Variants in ZMIZ1 observed in about 807,000 individuals in gnomAD.
ZMIZ1 encodes zinc finger MIZ domain-containing protein 1.
In ZMIZ1, 17 loss-of-function variants were observed where a neutral mutation model predicts 113.9. The ratio of observed to expected loss-of-function variants is 0.15; its 90% confidence interval spans 0.10 to 0.22. ZMIZ1 has a LOEUF of 0.22. Among genes scored for constraint, ZMIZ1 ranks in the 10% least tolerant of loss-of-function variants. The probability of loss-of-function intolerance (pLI) is 1.00; values close to 1 mark genes in which losing one functional copy is unlikely to be tolerated. For missense variants in ZMIZ1, 1,059 were observed against 1,477.8 expected, an observed-to-expected ratio of 0.72 and a Z score of 4.65; for synonymous variants, 607 against 603.1, an observed-to-expected ratio of 1.01 and a Z score of -0.09.
At chr10:79,260,058 C>G (rs1216854847) in intron 7 of ZMIZ1, among the ~76,000 whole-genome samples, 2 of 152,196 alleles carry the variant, frequency 1.3e-5, no homozygotes, top group African/African-American at 2.4e-5. Context: ...GTGCCCCAGA[C>G]TAGGCTGTGT....
At chr10:79,108,025 C>A (rs1338602414) in intron 1 of ZMIZ1, among the ~76,000 whole-genome samples, 1 of 152,170 alleles carries the variant, frequency 6.6e-6, no homozygotes, top group Non-Finnish European at 1.5e-5. Context: ...ATATAAAGAG[C>A]CCCTCCCAAC....
intron 8 of ZMIZ1, among the ~76,000 whole-genome samples, chr10:79,282,239 A>T (rs575636882): frequency 6.6e-6 from 1 of 152,366 alleles, no homozygotes; most frequent in South Asian, 2.1e-4. Flanking sequence ...AAACTGTTTT[A>T]GTCCGTCATC....
chr10:79,313,862 T>TGTGTGGAAAG lies in ZMIZ1; in HGVS notation c.*1114_*1115insTGTGGAAAGG. The TGTGTGGAAAG allele has an allele frequency of 2.8e-6, 1 of 362,742 alleles. No individual in the cohort carries two copies. The highest frequency in any genetic ancestry group is 2.1e-5 in the African/African-American group (1 of 47,102). 22.5% of individuals were successfully genotyped at this position (362,742 alleles called of 1,614,324 possible). A position where few individuals can be genotyped will look rare whatever the true frequency, so the allele number is the denominator to read the frequency against. ...TTGTCCAATCAGATGGCAAGGGCAG[T>TGTGTGGAAAG]GCGTGGAAAGGCCGGGGAGGTGCAG... is the stretch of plus-strand genomic sequence containing the variant. On this transcript the variant is annotated 3_prime_UTR_variant, in exon 25 of 25. Coordinates refer to ENST00000334512, the MANE Select transcript of ZMIZ1 (RefSeq NM_020338.4).
intron 2 of ZMIZ1, among the ~76,000 whole-genome samples, chr10:79,127,211 C>T (rs1325747162): frequency 6.6e-6 from 1 of 152,212 alleles, no homozygotes; most frequent in Non-Finnish European, 1.5e-5. Context: ...ATGCTGCCGG[C>T]GCTCTGGGTG....
chr10:79,295,657 T>C (rs897532629), intron 12 of ZMIZ1: 6 of 152,252 alleles, frequency 3.9e-5, no homozygotes, highest in African/African-American at 7.2e-5. Context: ...ACTGACACTT[T>C]CTGACATTTA....
intron 16 of ZMIZ1, among the ~76,000 whole-genome samples, 182 bp downstream of exon 16, chr10:79,299,373 GTAGA>G: frequency 6.6e-6 from 1 of 152,358 alleles, no homozygotes; most frequent in African/African-American, 2.4e-5. Flanking sequence ...AGGTGCACAG[GTAGA>G]TGAGCAGTCA....
At chr10:79,309,220 T>G (rs1854942160) in intron 23 of ZMIZ1, among the ~76,000 whole-genome samples, 1 of 152,218 alleles carries the variant, frequency 6.6e-6, no homozygotes, top group African/African-American at 2.4e-5. Context: ...GGTGGCGGGT[T>G]GACAGGTGTG....
At chr10:79,198,191 A>G (rs183845581) in intron 4 of ZMIZ1, among the ~76,000 whole-genome samples, 170 of 152,186 alleles carry the variant, frequency 1.1e-3, no homozygotes, top group African/African-American at 3.8e-3. Context: ...CCCGGGAGGC[A>G]GAGCTTGCAG....
chr10:79,204,899 G>A (rs1019430325), intron 5 of ZMIZ1, among the ~76,000 whole-genome samples: 2 of 152,168 alleles, frequency 1.3e-5, no homozygotes, highest in Non-Finnish European at 1.5e-5. Context: ...GGATGGATGA[G>A]TGGTGGATAA....
Position 79,314,267 on chromosome 10 carries a change from T to TGTCCCGTCACTGGG in ZMIZ1, c.*1524_*1537dup, listed in dbSNP as rs1421207666. 2.2e-6 allele frequency: 1 copy of TGTCCCGTCACTGGG among 456,936 alleles called. No homozygotes were observed. Among genetic ancestry groups the TGTCCCGTCACTGGG allele is most frequent in the South Asian group, 1.5e-5 (1 of 64,574 alleles). The allele number at this position is 456,936 out of a possible 1,614,324, so 28.3% of individuals were successfully genotyped here. On this transcript the variant is annotated 3_prime_UTR_variant, in exon 25 of 25. Coordinates refer to ENST00000334512, the MANE Select transcript of ZMIZ1 (RefSeq NM_020338.4). ...CACATGGCCTAGGGTGATGCCAGGT[T>TGTCCCGTCACTGGG]GTCCCGTCACTGGGGTCCCATCTGT...
At chr10:79,286,586 GTCC>G (rs1338567895) in intron 8 of ZMIZ1, among the ~76,000 whole-genome samples, 1 of 152,260 alleles carries the variant, frequency 6.6e-6, no homozygotes, top group Middle Eastern at 3.2e-3. Flanking sequence ...GCACGGATGT[GTCC>G]TCCATATGCC....
chr10:79,243,759 G>A (rs1850017751), intron 7 of ZMIZ1: 2 of 245,468 alleles, frequency 8.1e-6, no homozygotes, highest in Admixed American at 6.4e-5. Context: ...GGTCGGAGGG[G>A]TCGGCGCCTG....
chr10:79,254,336 G>C (rs1343975156), intron 7 of ZMIZ1, among the ~76,000 whole-genome samples: 3 of 152,256 alleles, frequency 2.0e-5, no homozygotes, highest in African/African-American at 7.2e-5. Flanking sequence ...AGTGGACTGA[G>C]GTCATTGCCC....
At position 79,207,189 on chromosome 10, in the gene ZMIZ1, C is replaced by T. The variant is rs550029839; in HGVS notation, c.61-1147C>T. On this transcript the variant is annotated intron_variant, in intron 5 of 24. Transcript: ENST00000334512. ...GCTGGGGCAGGCTCATGCTGCAGGTCGAATGGAGGGACTGCCCTGGGTGGC... is the reference window on the plus strand; with the variant it reads ...GCTGGGGCAGGCTCATGCTGCAGGTTGAATGGAGGGACTGCCCTGGGTGGC... Among the ~76,000 whole-genome samples, 41 of 152,286 alleles carry T rather than the reference C, an allele frequency of 2.7e-4. No homozygotes were observed. In the South Asian group the frequency reaches 7.5e-3, roughly 28 times the overall value.
chr10:79,121,315 C>A (rs1243161340), intron 2 of ZMIZ1, among the ~76,000 whole-genome samples: 1 of 152,080 alleles, frequency 6.6e-6, no homozygotes, highest in Non-Finnish European at 1.5e-5. Context: ...ACTGCACCCA[C>A]CTCAATTCAA....
At chr10:79,178,783 G>T (rs1313899824) in intron 4 of ZMIZ1, among the ~76,000 whole-genome samples, 2 of 152,148 alleles carry the variant, frequency 1.3e-5, no homozygotes, top group South Asian at 2.1e-4. Flanking sequence ...GAATTATTGT[G>T]GGGGAGACAG....
chr10:79,166,402 AT>A (rs1174718490), intron 4 of ZMIZ1, among the ~76,000 whole-genome samples: 1 of 152,128 alleles, frequency 6.6e-6, no homozygotes, highest in Non-Finnish European at 1.5e-5. Flanking sequence ...ACAACCCCAC[AT>A]TCCCAGCTGC....
At chr10:79,278,223 T>C (rs960440302) in intron 8 of ZMIZ1, among the ~76,000 whole-genome samples, 1 of 152,170 alleles carries the variant, frequency 6.6e-6, no homozygotes, top group African/African-American at 2.4e-5. Context: ...CTGGGCCTGA[T>C]TGCCCCTGAC....
At chr10:79,203,808 A>G (rs1848202508) in intron 5 of ZMIZ1, among the ~76,000 whole-genome samples, 1 of 152,172 alleles carries the variant, frequency 6.6e-6, no homozygotes, top group Non-Finnish European at 1.5e-5. Flanking sequence ...CCCTTCATCT[A>G]TAAAATGGGC....
Sources: gnomAD v4.1 joint callset for allele counts (sites outside exome capture counted in the v4.1 genomes callset) on GRCh38, gnomAD v4.1.1 for gene constraint, MANE v1.5 for transcripts, NCBI Gene and HGNC (gene_info 2026-07-23, HGNC 2026-07-21) for gene names.